Variants in NIBAN3 observed in about 807,000 individuals in gnomAD.
NIBAN3 encodes protein Niban 3.
In NIBAN3, 66 loss-of-function variants were observed where a neutral mutation model predicts 76.4. The ratio of observed to expected loss-of-function variants is 0.86; its 90% CI spans 0.71 to 1.06. The LOEUF (loss-of-function observed/expected upper bound fraction) is 1.06, where lower values mean the gene tolerates loss of function less well. Ranked by LOEUF, NIBAN3 falls within the 50% of genes least tolerant of loss-of-function variation. The pLI is 0.00. For synonymous variants in NIBAN3, 360 were observed against 355.2 expected (o/e 1.01, Z -0.15); for missense variants, 808 against 810.7 (o/e 1.00, Z 0.04).
At chr19:17,527,204 C>T (rs1488807588), upstream of NIBAN3, 15 of 1,459,498 alleles carry the variant, frequency 1.0e-5, no homozygotes, top group Admixed American at 2.0e-5. Flanking sequence ...GCAGGTGCAG[C>T]GTGGGGTGGG....
At chr19:17,539,902 G>A in intron 8 of NIBAN3, 137 bp downstream of exon 8, 1 of 401,680 alleles carries the variant, frequency 2.5e-6, no homozygotes, top group Non-Finnish European at 4.5e-6. Context: ...CCAAGCATAG[G>A]ATGTGCAAGG....
At chr19:17,530,046 C>G (rs2075685151) in intron 1 of NIBAN3, among the ~76,000 whole-genome samples, 1 of 145,440 alleles carries the variant, frequency 6.9e-6, no homozygotes, top group Non-Finnish European at 1.5e-5. Context: ...GGGGGACAGA[C>G]ACCCTGTCTC....
At chr19:17,549,691 C>T in intron 14 of NIBAN3, 164 bp downstream of exon 14, 1 of 687,690 alleles carries the variant, frequency 1.5e-6, no homozygotes, top group South Asian at 1.6e-5. Flanking sequence ...CGTGAACAAG[C>T]TCAGTGGGAA....
downstream of NIBAN3, chr19:17,553,675 C>T (rs151316029): frequency 1.1e-5 from 10 of 897,774 alleles, no homozygotes; most frequent in South Asian, 3.1e-5. Context: ...TTACCCCGGA[C>T]GGGATGTAGA....
rs778769153 is a variant in NIBAN3, at chr19:17,553,337, G to A, written c.*1439G>A. 6.2e-6 allele frequency: 10 copies of A among 1,613,812 alleles called. No individual in the cohort carries two copies. Among genetic ancestry groups the A allele is most frequent in the South Asian group, 1.1e-5 (1 of 91,078 alleles). ...GCTCCAAATCTTAACTTGGTGTCAAGTTTCCTGGCTGGGAGACAAGCTTTT... is the reference window on the plus strand; with the variant it reads ...GCTCCAAATCTTAACTTGGTGTCAAATTTCCTGGCTGGGAGACAAGCTTTT... On this transcript the variant is annotated 3_prime_UTR_variant, in exon 15 of 15. Transcript: ENST00000599164.
At chr19:17,539,891 G>C in intron 8 of NIBAN3, 126 bp downstream of exon 8, 1 of 424,852 alleles carries the variant, frequency 2.4e-6, no homozygotes, top group Non-Finnish European at 4.0e-6. Context: ...GAGGGGCGGG[G>C]CCAAGCATAG....
rs2144693265 is a variant in NIBAN3 at position 17,533,688 on chromosome 19, C to T, written c.414C>T (p.Cys138=). 6.2e-7 allele frequency: 1 copy of T among 1,613,424 alleles called. No homozygotes were observed. The highest frequency in any genetic ancestry group is 8.5e-7 in the Non-Finnish European group (1 of 1,179,554). Residue 138 remains cysteine (C), a synonymous_variant, in exon 4 of 15, where the codon TGC becomes TGT. Transcript: ENST00000599164. ...ATCTCCGCCTTTTGGATGCTCTCTG[C>T]CCTGAATCCTTGGGTAAGGGTCCCG... ...REYLRLLDAL[C]PESLGDHTQE...
chr19:17,537,234 G>T, intron 4 of NIBAN3, 142 bp from the exon 5 acceptor site: 3 of 881,112 alleles, frequency 3.4e-6, no homozygotes, highest in Non-Finnish European at 3.5e-6. Flanking sequence ...AGTGCTGTTG[G>T]AATAAGGATG....
chr19:17,530,638 G>C (rs2075703164), intron 1 of NIBAN3, 117 bp from the exon 2 acceptor site: 2 of 918,392 alleles, frequency 2.2e-6, no homozygotes, highest in African/African-American at 3.5e-5. Flanking sequence ...AACTTGTCTG[G>C]AAGCTCAGGA....
chr19:17,553,649 T>C (rs1211667684), downstream of NIBAN3: 5 of 1,140,886 alleles, frequency 4.4e-6, no homozygotes, highest in South Asian at 1.3e-5. Flanking sequence ...CATAGGCTTC[T>C]TTAGCTGTCT....
In NIBAN3 at chr19:17,542,099, C is replaced by G; in HGVS notation, c.1171-37C>G. ...TCCCTGGCCCTTTGCAATCAGCTGA[C>G]AGCATTTTTCCCCCAAAACTGCTTC... On this transcript the variant is annotated intron_variant, in intron 9 of 14. Coordinates refer to ENST00000599164, the MANE Select transcript of NIBAN3 (RefSeq NM_001321827.2). The surrounding 1 kb of genome is among the most constrained non-coding windows in gnomAD (Gnocchi z 4.8). The G allele has an allele frequency of 6.2e-7, 1 of 1,613,510 alleles. No homozygotes were observed. The highest frequency in any genetic ancestry group is 8.5e-7 in the Non-Finnish European group (1 of 1,179,632).
At chr19:17,528,088 GTTTTGT>G (rs2075642088) in intron 1 of NIBAN3, among the ~76,000 whole-genome samples, 1 of 149,936 alleles carries the variant, frequency 6.7e-6, no homozygotes, top group Admixed American at 6.7e-5. Flanking sequence ...TTTTTTGTTT[GTTTTGT>G]TTTGTTTTGT....
At position 17,553,513 on chromosome 19, in the gene NIBAN3, AC is replaced by A. The variant is rs1340745621; in HGVS notation, c.*1617del. 5 of 1,613,924 alleles carry A rather than the reference AC, an allele frequency of 3.1e-6. No homozygotes were observed. In the African/African-American group the frequency reaches 5.3e-5, roughly 17 times the overall value. ...AGAGGGACTTTCACACTCCCTGGAGACCGTTTCCTCCCATTCTGTCTGGAGT... is the reference window on the plus strand; with the variant it reads ...AGAGGGACTTTCACACTCCCTGGAGACGTTTCCTCCCATTCTGTCTGGAGT... On this transcript the variant is annotated 3_prime_UTR_variant, in exon 15 of 15. Coordinates refer to ENST00000599164, the MANE Select transcript of NIBAN3 (RefSeq NM_001321827.2).
chr19:17,555,531 G>C (rs2076204020), downstream of NIBAN3: 1 of 485,158 alleles, frequency 2.1e-6, no homozygotes. Flanking sequence ...TCCTGGGTAG[G>C]GCTGCAGGTG....
At chr19:17,554,793 A>AC (rs2076199440), downstream of NIBAN3, among the ~76,000 whole-genome samples, 1 of 79,174 alleles carries the variant, frequency 1.3e-5, no homozygotes, top group East Asian at 2.5e-4. Flanking sequence ...AAAAAAAAAA[A>AC]AGAAAATAAT....
intron 13 of NIBAN3, among the ~76,000 whole-genome samples, chr19:17,547,377 C>T: frequency 2.0e-5 from 1 of 50,844 alleles, no homozygotes; most frequent in Admixed American, 3.1e-4. Flanking sequence ...TTTTTTGAGA[C>T]AGAGTCTCGC....
At chr19:17,530,278 G>T (rs980024835) in intron 1 of NIBAN3, among the ~76,000 whole-genome samples, 2 of 151,520 alleles carry the variant, frequency 1.3e-5, no homozygotes, top group African/African-American at 4.9e-5. Context: ...CTGTGATCGT[G>T]CCAGCGCACT....
At chr19:17,553,644 G>A, downstream of NIBAN3, 1 of 1,182,534 alleles carries the variant, frequency 8.5e-7, no homozygotes, top group South Asian at 1.3e-5. Context: ...CACTTCATAG[G>A]CTTCTTTAGC....
Position 17,553,161 on chromosome 19 carries a change from G to T in NIBAN3, c.*1263G>T. ...AATTTCAGTGAATTGCCTGTTCATA[G>T]CTTTTTTCTACTTTTCAGGAGTGTT... is the stretch of plus-strand genomic sequence containing the variant. On this transcript the variant is annotated 3_prime_UTR_variant, in exon 15 of 15. Transcript: ENST00000599164. 2 of 1,180,770 alleles carry T rather than the reference G, an allele frequency of 1.7e-6. No individual in the cohort carries two copies. Among genetic ancestry groups the T allele is most frequent in the Non-Finnish European group, 2.3e-6 (2 of 861,758 alleles). The allele number at this position is 1,180,770 out of a possible 1,614,324, so 73.1% of individuals were successfully genotyped here.
Sources: allele counts gnomAD v4.1 joint callset (sites outside exome capture counted in the v4.1 genomes callset), GRCh38; gene constraint gnomAD v4.1.1; non-coding constraint Gnocchi (gnomAD v3.1); transcripts MANE v1.5; gene names NCBI Gene and HGNC (gene_info 2026-07-23, HGNC 2026-07-21).